SHE: variants seen among roughly 807,000 people sequenced by gnomAD.
SHE encodes SH2 domain-containing adapter protein E.
SHE carries 11 observed loss-of-function variants against 49.8 expected under a neutral mutation model. The observed-to-expected ratio is 0.22, with a 90% CI of 0.14 to 0.37. The LOEUF (loss-of-function observed/expected upper bound fraction) is 0.37, where lower values mean the gene tolerates loss of function less well. SHE is among the 10% of genes least tolerant of loss of function. The pLI is 1.00. For missense variants in SHE, 624 were observed against 655.5 expected (o/e 0.95, Z 0.52); for synonymous variants, 310 against 278.1 (o/e 1.11, Z -1.14).
chr1:154,472,674 G>A (rs1691772952), intron 1 of SHE, among the ~76,000 whole-genome samples: 1 of 152,196 alleles, frequency 6.6e-6, no homozygotes, highest in Admixed American at 6.5e-5. Context: ...TGATGCTGCT[G>A]TACAGCCAGC....
At position 154,486,415 on chromosome 1, in the gene SHE, G is replaced by C. The variant is rs927723343; in HGVS notation, c.1181+112C>G. The C allele has an allele frequency of 2.8e-6, 4 of 1,425,258 alleles. No individual in the cohort carries two copies. The African/African-American group carries it at 5.7e-5, about 20-fold the overall frequency. 88.3% of individuals were successfully genotyped at this position (1,425,258 alleles called of 1,614,324 possible). A position where few individuals can be genotyped will look rare whatever the true frequency, so the allele number is the denominator to read the frequency against. ...GGTTTTCATTAAAAACCCCATCCAG[G>C]CAAGTGTTCATTAACAAAAATAATC... On this transcript the variant is annotated intron_variant, in intron 4 of 5. Transcript: ENST00000304760.
At position 154,501,504 on chromosome 1, in the gene SHE, C is replaced by T. The variant is rs1692743493; in HGVS notation, c.523G>A (p.Ala175Thr). Residue 175 changes from alanine to threonine, a missense_variant, in exon 1 of 6, where the codon GCG becomes ACG. Transcript: ENST00000304760. ...CCCAGGGAGGAAGGGGAAGAGGACG[C>T]GGAGGAAGAGGAGCTGGAGCTGGAG... is the stretch of plus-strand genomic sequence containing the variant. ...SSSSSSSSSS[A>T]SSSPSSLGPE... is the part of the protein sequence containing the mutation. 1.2e-6 allele frequency: 2 copies of T among 1,614,046 alleles called. No individual in the cohort carries two copies. Among genetic ancestry groups the T allele is most frequent in the Admixed American group, 1.7e-5 (1 of 60,006 alleles).
In SHE at chr1:154,492,566, T is replaced by A. The variant is rs1042534550; in HGVS notation, c.719-3210A>T. Among the ~76,000 whole-genome samples, 9 of 152,162 alleles carry A rather than the reference T, an allele frequency of 5.9e-5. No homozygotes were observed. The East Asian group carries it at 1.5e-3, about 26-fold the overall frequency. On this transcript the variant is annotated intron_variant, in intron 2 of 5. Transcript: ENST00000304760. ...TGAGGTCAGAGCTGCATCTCCTGAGTCCCTGGACTCTCAGTCCTACAGTTT... is the reference window on the plus strand; with the variant it reads ...TGAGGTCAGAGCTGCATCTCCTGAGACCCTGGACTCTCAGTCCTACAGTTT...
chr1:154,500,848 C>T (rs1692699838), intron 1 of SHE, among the ~76,000 whole-genome samples: 1 of 152,202 alleles, frequency 6.6e-6, no homozygotes. Flanking sequence ...GTGCTCCTTT[C>T]CTCATATGGC....
chr1:154,489,663 T>C (rs1382841645), intron 2 of SHE, among the ~76,000 whole-genome samples: 2 of 152,260 alleles, frequency 1.3e-5, no homozygotes, highest in African/African-American at 4.8e-5. Flanking sequence ...TTGCAGTTTG[T>C]AAGTAGTGGC....
chr1:154,478,332 C>T (rs532323450), downstream of SHE, among the ~76,000 whole-genome samples: 4 of 151,274 alleles, frequency 2.6e-5, no homozygotes, highest in East Asian at 7.8e-4. Context: ...GCCCCGTGGG[C>T]CATCAGTCAC....
At chr1:154,499,508 C>T (rs550958653) in intron 1 of SHE, among the ~76,000 whole-genome samples, 1 of 152,192 alleles carries the variant, frequency 6.6e-6, no homozygotes, top group East Asian at 1.9e-4. Context: ...AGCAATAAAA[C>T]ATTTTCTGGG....
At chr1:154,486,378 G>A in intron 4 of SHE, 149 bp downstream of exon 4, 1 of 1,100,548 alleles carries the variant, frequency 9.1e-7, no homozygotes, top group Non-Finnish European at 1.3e-6. Context: ...AATGCACTGG[G>A]CTTTGAAGAT....
chr1:154,485,890 TCA>T, intron 5 of SHE, 51 bp downstream of exon 5: 2 of 1,592,872 alleles, frequency 1.3e-6, no homozygotes, highest in South Asian at 1.1e-5. Context: ...TAGAAGACTG[TCA>T]CACAGTGTTC....
At position 154,501,864 on chromosome 1, in the gene SHE, G is replaced by T. The variant is rs751880960; in HGVS notation, c.163C>A (p.Arg55=). ...FPLNLKTVSE[R]AKPGGGGGKL... Reference sequence around the variant, plus strand: ...CCGCCGCCGCCCCCGGGCTTGGCCCGCTCCGACACGGTCTTCAGGTTCAGG... The same window carrying T: ...CCGCCGCCGCCCCCGGGCTTGGCCCTCTCCGACACGGTCTTCAGGTTCAGG... Residue 55 remains arginine, a synonymous_variant, in exon 1 of 6, where the codon CGG becomes AGG. Transcript: ENST00000304760. 6.5e-7 allele frequency: 1 copy of T among 1,535,920 alleles called. No homozygotes were observed. The highest frequency in any genetic ancestry group is 1.2e-5 in the South Asian group (1 of 84,238).
In SHE at chr1:154,483,384, C is replaced by T; in HGVS notation, c.*765G>A. On this transcript the variant is annotated 3_prime_UTR_variant, in exon 6 of 6. Transcript: ENST00000304760. Reference sequence around the variant, plus strand: ...TTCTTGCCCGTCATTCACATTTTCTCCCGCTCATTCATTTCCCCAATAACG... The same window carrying T: ...TTCTTGCCCGTCATTCACATTTTCTTCCGCTCATTCATTTCCCCAATAACG... 2.0e-6 allele frequency: 2 copies of T among 985,416 alleles called. No homozygotes were observed. The highest frequency in any genetic ancestry group is 2.4e-6 in the Non-Finnish European group (2 of 829,936). 61.0% of individuals were successfully genotyped at this position (985,416 alleles called of 1,614,324 possible).
chr1:154,488,256 ATAAT>A (rs748362259), intron 3 of SHE, among the ~76,000 whole-genome samples: 40 of 150,952 alleles, frequency 2.6e-4, no homozygotes, highest in Admixed American at 2.6e-4. Flanking sequence ...ATACTTTTGT[ATAAT>A]TATTATTATT....
At position 154,480,693 on chromosome 1, in the gene SHE, GC is replaced by G. The variant is rs1232518860; in HGVS notation, c.*3455del. The G allele has an allele frequency of 1.0e-6, 1 of 985,218 alleles. No homozygotes were observed. The highest frequency in any genetic ancestry group is 1.7e-5 in the African/African-American group (1 of 57,196). 61.0% of individuals were successfully genotyped at this position (985,218 alleles called of 1,614,324 possible). A position where few individuals can be genotyped will look rare whatever the true frequency, so the allele number is the denominator to read the frequency against. Reference sequence around the variant, plus strand: ...TTGAATAACTTAAAATGACACTTCTGCCCCCAACAGAGAGTAGATATATCAA... The same window carrying G: ...TTGAATAACTTAAAATGACACTTCTGCCCCAACAGAGAGTAGATATATCAA... On this transcript the variant is annotated 3_prime_UTR_variant, in exon 6 of 6. Coordinates refer to ENST00000304760, the MANE Select transcript of SHE (RefSeq NM_001010846.3).
Position 154,480,151 on chromosome 1 carries a change from G to T in SHE, c.*3998C>A. On this transcript the variant is annotated 3_prime_UTR_variant, in exon 6 of 6. Coordinates refer to ENST00000304760, the MANE Select transcript of SHE (RefSeq NM_001010846.3). The stretch of plus-strand genomic sequence containing the variant: ...AAATTGGAAATGAGAATACAGAAGA[G>T]TGATTCTAACCAGGTCATAAGGCCA... 1.0e-6 allele frequency: 1 copy of T among 985,458 alleles called. No individual in the cohort carries two copies. Among genetic ancestry groups the T allele is most frequent in the Middle Eastern group, 5.2e-4 (1 of 1,914 alleles). The allele number at this position is 985,458 out of a possible 1,614,324, so 61.0% of individuals were successfully genotyped here. A position where few individuals can be genotyped will look rare whatever the true frequency, so the allele number is the denominator to read the frequency against.
At chr1:154,487,570 G>A (rs978543595) in intron 3 of SHE, among the ~76,000 whole-genome samples, 1 of 151,834 alleles carries the variant, frequency 6.6e-6, no homozygotes, top group Admixed American at 6.6e-5. Context: ...ACTGACTCCA[G>A]GCTGGGCATG....
chr1:154,493,917 G>C (rs890365957), intron 2 of SHE, among the ~76,000 whole-genome samples: 1 of 152,180 alleles, frequency 6.6e-6, no homozygotes, highest in African/African-American at 2.4e-5. Flanking sequence ...CATTTTCACA[G>C]GTGAATACAC....
chr1:154,501,313 G>T, intron 1 of SHE, 123 bp downstream of exon 1: 1 of 846,416 alleles, frequency 1.2e-6, no homozygotes, highest in Non-Finnish European at 1.9e-6. Context: ...AAATGGTGGA[G>T]GGAGAAAGGA....
At chr1:154,486,386 G>A in intron 4 of SHE, 141 bp downstream of exon 4, 1 of 1,193,310 alleles carries the variant, frequency 8.4e-7, no homozygotes, top group Non-Finnish European at 1.2e-6. Flanking sequence ...GGGCTTTGAA[G>A]ATGGGTTTTC....
intron 5 of SHE, 135 bp downstream of exon 5, chr1:154,485,808 T>C: frequency 1.9e-6 from 2 of 1,058,686 alleles, no homozygotes; most frequent in Non-Finnish European, 2.7e-6. Context: ...TGTTCCATTG[T>C]CCAAACAAAT....
Sources: allele counts gnomAD v4.1 joint callset (sites outside exome capture counted in the v4.1 genomes callset), GRCh38; gene constraint gnomAD v4.1.1; transcripts MANE v1.5; gene names NCBI Gene and HGNC (gene_info 2026-07-23, HGNC 2026-07-21).